MAMDC2: variants seen among roughly 807,000 people sequenced by gnomAD.
MAMDC2 encodes the protein MAM domain containing 2.
MAMDC2 carries 57 observed loss-of-function variants against 89.8 expected under a neutral mutation model. The observed-to-expected ratio is 0.63, with a 90% confidence interval of 0.51 to 0.79. The LOEUF (loss-of-function observed/expected upper bound fraction) is 0.79, where lower values mean the gene tolerates loss of function less well. Ranked by LOEUF, MAMDC2 falls within the 30% of genes least tolerant of loss-of-function variation. The pLI, the probability that MAMDC2 is intolerant of heterozygous loss-of-function variation, is 0.00. For synonymous variants in MAMDC2, 313 were observed against 293.4 expected, an observed-to-expected ratio of 1.07 and a Z score of -0.68; for missense variants, 800 against 820.6, an observed-to-expected ratio of 0.97 and a Z score of 0.31.
At chr9:70,159,787 C>T (rs1168663625) in intron 9 of MAMDC2, among the ~76,000 whole-genome samples, 1 of 152,200 alleles carries the variant, frequency 6.6e-6, no homozygotes, top group Non-Finnish European at 1.5e-5. Flanking sequence ...TATTACATTA[C>T]ATTTGTCAGG....
intron 12 of MAMDC2, 148 bp downstream of exon 12, chr9:70,218,744 C>T: frequency 1.2e-6 from 1 of 849,610 alleles, no homozygotes. Context: ...CATAATTAGT[C>T]TATACATTGA....
intron 5 of MAMDC2, among the ~76,000 whole-genome samples, chr9:70,122,144 A>G (rs935809051): frequency 2.6e-5 from 4 of 152,256 alleles, no homozygotes; most frequent in Non-Finnish European, 5.9e-5. Flanking sequence ...CAACAAATGA[A>G]TGATGGAAAG....
At chr9:70,197,420 T>C (rs1005093903) in intron 11 of MAMDC2, among the ~76,000 whole-genome samples, 1 of 152,078 alleles carries the variant, frequency 6.6e-6, no homozygotes, top group Non-Finnish European at 1.5e-5. Context: ...GAAGAACATA[T>C]TGAAGGTTTT....
chr9:70,114,254 G>A (rs1828583318), intron 5 of MAMDC2, among the ~76,000 whole-genome samples: 1 of 146,546 alleles, frequency 6.8e-6, no homozygotes, highest in Non-Finnish European at 1.5e-5. Context: ...CAAATGACAT[G>A]TGGGCTGGGT....
chr9:70,140,102 A>C (rs778775307), intron 7 of MAMDC2, 43 bp from the exon 8 acceptor site: 1 of 1,512,638 alleles, frequency 6.6e-7, no homozygotes, highest in South Asian at 1.4e-5. Flanking sequence ...TAGTCCTTTG[A>C]GATCTTTGGG....
At chr9:70,130,208 C>T (rs1295055934) in intron 6 of MAMDC2, among the ~76,000 whole-genome samples, 2 of 152,042 alleles carry the variant, frequency 1.3e-5, no homozygotes, top group Non-Finnish European at 2.9e-5. Context: ...GGCACTTCAA[C>T]ACAGGAATTG....
At chr9:70,212,158 C>G (rs4439194) in intron 11 of MAMDC2, among the ~76,000 whole-genome samples, 10,512 of 152,316 alleles carry the variant, frequency 0.069, 580 homozygotes, top group East Asian at 0.22. Flanking sequence ...TCAAAGCTGT[C>G]AGACAGGGAC....
intron 11 of MAMDC2, among the ~76,000 whole-genome samples, chr9:70,201,714 A>G (rs1236675685): frequency 7.1e-6 from 1 of 139,898 alleles, no homozygotes; most frequent in Non-Finnish European, 1.5e-5. Flanking sequence ...ACTATTGATT[A>G]TTGCCACAAT....
chr9:70,191,832 T>C (rs950721108), intron 11 of MAMDC2, among the ~76,000 whole-genome samples: 1 of 152,146 alleles, frequency 6.6e-6, no homozygotes, highest in Admixed American at 6.6e-5. Context: ...TTGCTGAAAA[T>C]CCCACTTTGT....
intron 9 of MAMDC2, among the ~76,000 whole-genome samples, chr9:70,151,394 A>G (rs116574415): frequency 0.013 from 2,007 of 152,290 alleles, 42 homozygotes; most frequent in African/African-American, 0.045. Context: ...GAGGACAGGG[A>G]CCTTGTCGGT....
chr9:70,209,550 ATC>A (rs1564000601), intron 11 of MAMDC2, among the ~76,000 whole-genome samples: 30 of 150,042 alleles, frequency 2.0e-4, no homozygotes, highest in African/African-American at 6.8e-4. Flanking sequence ...CGGTCTATCT[ATC>A]TATCTATTTT....
At chr9:70,152,778 C>T (rs1242120819) in intron 9 of MAMDC2, among the ~76,000 whole-genome samples, 1 of 152,150 alleles carries the variant, frequency 6.6e-6, no homozygotes. Context: ...CTGAGCCTTC[C>T]TTTTCTTTCA....
At chr9:70,184,055 A>T (rs1376540471) in intron 11 of MAMDC2, among the ~76,000 whole-genome samples, 5 of 152,036 alleles carry the variant, frequency 3.3e-5, no homozygotes, top group African/African-American at 9.7e-5. Context: ...TTCCTTCAGG[A>T]GCTCTTGTAG....
chr9:70,123,479 C>A (rs1191195062), intron 5 of MAMDC2, among the ~76,000 whole-genome samples: 1 of 152,068 alleles, frequency 6.6e-6, no homozygotes, highest in Non-Finnish European at 1.5e-5. Context: ...CAAAGTGGAG[C>A]CAACAGTGGT....
chr9:70,123,739 A>C lies in MAMDC2; in HGVS notation c.644-2420A>C, dbSNP rs149236074. Among the ~76,000 whole-genome samples the C allele has an allele frequency of 7.9e-5, 12 of 152,314 alleles. 1 individual carries two copies. The South Asian group carries it at 2.1e-3, about 26-fold the overall frequency. ...TTATTAAAAGGGGAACTTTGGGCACAGAGAGAAATGTACACAGGGAGAATG... is the reference window on the plus strand; with the variant it reads ...TTATTAAAAGGGGAACTTTGGGCACCGAGAGAAATGTACACAGGGAGAATG... On this transcript the variant is annotated intron_variant, in intron 5 of 13. Transcript: ENST00000377182.
chr9:70,162,352 T>C (rs2032001251), intron 9 of MAMDC2, among the ~76,000 whole-genome samples: 1 of 152,154 alleles, frequency 6.6e-6, no homozygotes, highest in Non-Finnish European at 1.5e-5. Context: ...ATTCATTATA[T>C]TTGGTAGTTG....
chr9:70,152,505 A>G (rs1451030896), intron 9 of MAMDC2, among the ~76,000 whole-genome samples: 1 of 152,128 alleles, frequency 6.6e-6, no homozygotes, highest in Non-Finnish European at 1.5e-5. Context: ...CACAGCTATT[A>G]AGTGGCTGAA....
intron 11 of MAMDC2, among the ~76,000 whole-genome samples, chr9:70,179,549 A>AT (rs2032588389): frequency 6.6e-6 from 1 of 150,510 alleles, no homozygotes; most frequent in Non-Finnish European, 1.5e-5. Context: ...ATAAATAAAT[A>AT]AAAATAAAAT....
rs2033640528 is a variant in MAMDC2, at chr9:70,226,423, T to TTAAG, written c.*394_*397dup. 1 of 153,594 alleles carries TTAAG rather than the reference T, an allele frequency of 6.5e-6. No individual in the cohort carries two copies. Among genetic ancestry groups the TTAAG allele is most frequent in the African/African-American group, 2.4e-5 (1 of 41,492 alleles). 9.5% of individuals were successfully genotyped at this position (153,594 alleles called of 1,614,324 possible). On this transcript the variant is annotated 3_prime_UTR_variant, in exon 14 of 14. Coordinates refer to ENST00000377182, the MANE Select transcript of MAMDC2 (RefSeq NM_153267.5). ...GGTCTTGCAGGTTTCCTTTTGAATTTTAAGTATCATAAATATTTTTAAAGT... is the reference window on the plus strand; with the variant it reads ...GGTCTTGCAGGTTTCCTTTTGAATTTTAAGTAAGTATCATAAATATTTTTAAAGT...
Sources: allele counts gnomAD v4.1 joint callset (sites outside exome capture counted in the v4.1 genomes callset), GRCh38; gene constraint gnomAD v4.1.1; transcripts MANE v1.5; gene names NCBI Gene and HGNC (gene_info 2026-07-23, HGNC 2026-07-21).